Variants in HPSE2 observed in about 807,000 individuals in gnomAD.
HPSE2 encodes the protein heparanase 2 (inactive).
HPSE2 carries 38 observed loss-of-function variants against 60.5 expected under a neutral mutation model. The ratio of observed to expected loss-of-function variants is 0.63; its 90% CI spans 0.48 to 0.82. The LOEUF is 0.82. Among genes scored for constraint, HPSE2 ranks in the 40% least tolerant of loss-of-function variants. The pLI is 0.00. For missense variants in HPSE2, 713 were observed against 740.4 expected (o/e 0.96, Z 0.43); for synonymous variants, 295 against 293.2 (o/e 1.01, Z -0.06).
chr10:98,932,727 T>G (rs1462537251), intron 3 of HPSE2, among the ~76,000 whole-genome samples: 1 of 143,110 alleles, frequency 7.0e-6, no homozygotes, highest in Non-Finnish European at 1.5e-5. Flanking sequence ...GTCCAGGAAT[T>G]TATGCATTTC....
At chr10:99,313,163 T>C in the HPSE2 span, among the ~76,000 whole-genome samples, 2 of 152,202 alleles carry the variant, frequency 1.3e-5, no homozygotes, top group Admixed American at 6.5e-5. Flanking sequence ...TTACCCAGCC[T>C]GAGGTATTGC....
chr10:98,917,123 C>G (rs1241715570), intron 3 of HPSE2, among the ~76,000 whole-genome samples: 3 of 152,058 alleles, frequency 2.0e-5, no homozygotes, highest in Non-Finnish European at 2.9e-5. Flanking sequence ...ATCAACAGAT[C>G]CATCCAAGAC....
intron 10 of HPSE2, among the ~76,000 whole-genome samples, chr10:98,483,404 G>C (rs1331630936): frequency 1.3e-5 from 2 of 152,156 alleles, no homozygotes; most frequent in African/African-American, 2.4e-5. Flanking sequence ...TATGTTTGCA[G>C]TTCAGACAAC....
chr10:98,875,601 A>G (rs930306966), intron 3 of HPSE2, among the ~76,000 whole-genome samples: 1 of 152,020 alleles, frequency 6.6e-6, no homozygotes, highest in Admixed American at 6.6e-5. Context: ...CCAGAGGTAC[A>G]AAGAATAACT....
intron 9 of HPSE2, among the ~76,000 whole-genome samples, chr10:98,605,476 G>C (rs959462240): frequency 3.9e-5 from 6 of 152,152 alleles, no homozygotes; most frequent in African/African-American, 1.2e-4. Flanking sequence ...AATTTGTAAA[G>C]ATACTAAAAA....
intron 3 of HPSE2, among the ~76,000 whole-genome samples, chr10:99,018,754 A>C (rs1027579118): frequency 2.6e-5 from 4 of 152,218 alleles, no homozygotes; most frequent in African/African-American, 9.6e-5. Context: ...GAATTTATTA[A>C]AGGAAATGGA....
chr10:98,819,943 T>C (rs1267430254), intron 3 of HPSE2, among the ~76,000 whole-genome samples: 1 of 152,082 alleles, frequency 6.6e-6, no homozygotes. Flanking sequence ...ATTAATAATA[T>C]TGTCACTCTT....
intron 2 of HPSE2, among the ~76,000 whole-genome samples, chr10:99,179,350 T>C (rs1282600435): frequency 6.6e-6 from 1 of 152,240 alleles, no homozygotes; most frequent in Non-Finnish European, 1.5e-5. Context: ...GCAGATGACA[T>C]GATTGTATAT....
intron 3 of HPSE2, among the ~76,000 whole-genome samples, chr10:98,943,229 A>G (rs959652904): frequency 1.3e-5 from 2 of 151,800 alleles, no homozygotes; most frequent in Non-Finnish European, 2.9e-5. Context: ...CTTAAAGTAT[A>G]ATAATAATAC....
intron 3 of HPSE2, among the ~76,000 whole-genome samples, chr10:98,870,843 C>T (rs1339640224): frequency 6.6e-6 from 1 of 151,720 alleles, no homozygotes; most frequent in African/African-American, 2.4e-5. Flanking sequence ...ATCATGGAGG[C>T]AGATCCCTCA....
intron 3 of HPSE2, among the ~76,000 whole-genome samples, chr10:99,094,394 T>C (rs1843626193): frequency 6.6e-6 from 1 of 150,620 alleles, no homozygotes; most frequent in Non-Finnish European, 1.5e-5. Flanking sequence ...AGTATGTGTA[T>C]ACACACATAT....
intron 3 of HPSE2, among the ~76,000 whole-genome samples, chr10:99,027,080 C>T (rs1957393524): frequency 6.6e-6 from 1 of 151,234 alleles, no homozygotes; most frequent in Non-Finnish European, 1.5e-5. Flanking sequence ...CAAGAACAAA[C>T]TAAACCCAAA....
intron 9 of HPSE2, among the ~76,000 whole-genome samples, chr10:98,561,721 G>A (rs180929818): frequency 6.9e-4 from 105 of 152,220 alleles, no homozygotes; most frequent in African/African-American, 2.3e-3. Context: ...GGTGGCGGGC[G>A]CCTGCAATTC....
chr10:98,961,582 T>C, intron 3 of HPSE2, among the ~76,000 whole-genome samples: 1 of 58,984 alleles, frequency 1.7e-5, no homozygotes, highest in Admixed American at 1.8e-4. Context: ...CACTTTTTGA[T>C]GGAGTTGTTT....
At chr10:99,305,979 G>GCACACACACACACACACACACACACACA in the HPSE2 span, among the ~76,000 whole-genome samples, 142 of 80,534 alleles carry the variant, frequency 1.8e-3, 4 homozygotes, top group African/African-American at 6.8e-3. Context: ...GCGCGCGCGC[G>GCACACACACACACACACACACACACACA]CACACACACA....
At chr10:98,852,724 T>G (rs1032299367) in intron 3 of HPSE2, among the ~76,000 whole-genome samples, 22 of 152,256 alleles carry the variant, frequency 1.4e-4, no homozygotes, top group Middle Eastern at 3.2e-3. Flanking sequence ...AGAAGTCTTC[T>G]TGTATTGACT....
intron 5 of HPSE2, among the ~76,000 whole-genome samples, chr10:98,707,710 G>A (rs1373278729): frequency 2.0e-5 from 3 of 152,088 alleles, no homozygotes; most frequent in African/African-American, 7.2e-5. Context: ...TTTAAAATCA[G>A]ATATAGGAAA....
chr10:98,584,517 A>G (rs1944887151), intron 9 of HPSE2, among the ~76,000 whole-genome samples: 1 of 152,220 alleles, frequency 6.6e-6, no homozygotes, highest in Admixed American at 6.5e-5. Flanking sequence ...TGAAAAATCC[A>G]TCAACCCCTC....
chr10:98,507,359 T>C (rs1477425113), intron 9 of HPSE2, among the ~76,000 whole-genome samples: 1 of 152,204 alleles, frequency 6.6e-6, no homozygotes, highest in African/African-American at 2.4e-5. Flanking sequence ...AAGTTTTATA[T>C]TATTTGTTTA....
Sources: allele counts gnomAD v4.1 joint callset (sites outside exome capture counted in the v4.1 genomes callset), GRCh38; gene constraint gnomAD v4.1.1; transcripts MANE v1.5; gene names NCBI Gene and HGNC (gene_info 2026-07-23, HGNC 2026-07-21).